Variants in CCDC171 observed in about 807,000 individuals in gnomAD.
CCDC171 encodes the protein coiled-coil domain containing 171.
In CCDC171, 177 loss-of-function variants were observed where a neutral mutation model predicts 168.2. The ratio of observed to expected loss-of-function variants is 1.05; its 90% CI spans 0.93 to 1.19. The LOEUF (loss-of-function observed/expected upper bound fraction) is 1.19. Among genes scored for constraint, CCDC171 ranks in the 50% most tolerant of loss-of-function variants. The probability of loss-of-function intolerance (pLI) is 0.00; values close to 1 mark genes in which losing one functional copy is unlikely to be tolerated. For synonymous variants in CCDC171, 687 were observed against 540.8 expected (o/e 1.27, Z -3.75); for missense variants, 1,991 against 1,539.0 (o/e 1.29, Z -4.91).
chr9:16,066,308 T>C (rs1175075518), downstream of CCDC171, among the ~76,000 whole-genome samples: 5 of 152,184 alleles, frequency 3.3e-5, no homozygotes, highest in African/African-American at 1.2e-4. Context: ...TGGGAGATGC[T>C]CTTTCAAAAG....
At chr9:15,998,109 G>A (rs575002909) in intron 3 of CCDC171, among the ~76,000 whole-genome samples, 1 of 152,148 alleles carries the variant, frequency 6.6e-6, no homozygotes, top group Non-Finnish European at 1.5e-5. Flanking sequence ...GTGGGAATGG[G>A]ATACACCAAG....
intron 4 of CCDC171, among the ~76,000 whole-genome samples, chr9:15,584,223 G>T (rs1226641357): frequency 6.6e-6 from 1 of 152,180 alleles, no homozygotes; most frequent in African/African-American, 2.4e-5. Flanking sequence ...GCTGTCTGGG[G>T]TTATTGATAT....
At chr9:15,648,582 C>G (rs2047235906) in intron 7 of CCDC171, among the ~76,000 whole-genome samples, 1 of 152,166 alleles carries the variant, frequency 6.6e-6, no homozygotes, top group African/African-American at 2.4e-5. Flanking sequence ...GCAAAAATCA[C>G]AAGCATTCTT....
chr9:15,859,253 C>T (rs1224219870), intron 23 of CCDC171, among the ~76,000 whole-genome samples: 1 of 151,962 alleles, frequency 6.6e-6, no homozygotes, highest in Non-Finnish European at 1.5e-5. Flanking sequence ...TGTAATGGCG[C>T]CTAATCCTTT....
At chr9:15,723,203 C>T (rs965504201) in intron 12 of CCDC171, among the ~76,000 whole-genome samples, 20 of 152,278 alleles carry the variant, frequency 1.3e-4, no homozygotes, top group Admixed American at 1.2e-3. Context: ...CACAAGCCTT[C>T]CCAGTAGGAC....
At chr9:15,613,514 CTTT>C (rs766679864) in intron 6 of CCDC171, among the ~76,000 whole-genome samples, 6 of 149,764 alleles carry the variant, frequency 4.0e-5, no homozygotes, top group Non-Finnish European at 6.0e-5. Flanking sequence ...TTGCATTTTT[CTTT>C]TTTTCTTTTC....
In CCDC171 at chr9:15,820,180, C is replaced by T. The variant is rs2059711185; in HGVS notation, c.3268-26522C>T. 1.7e-5 allele frequency among the ~76,000 whole-genome samples: 2 copies of T among 117,422 alleles called. 1 individual carries two copies. The allele number at this position is 117,422 out of a possible 152,430, so 77.0% of individuals were successfully genotyped here. A position where few individuals can be genotyped will look rare whatever the true frequency, so the allele number is the denominator to read the frequency against. ...ACAACATACCAGAATCTCTGGGACA[C>T]ATTCAAAGCAGTGTGTAGAGGGAAA... On this transcript the variant is annotated intron_variant, in intron 21 of 25. Coordinates refer to ENST00000380701, the MANE Select transcript of CCDC171 (RefSeq NM_173550.4).
At chr9:16,091,508 C>T in the CCDC171 span, among the ~76,000 whole-genome samples, 1 of 152,180 alleles carries the variant, frequency 6.6e-6, no homozygotes, top group African/African-American at 2.4e-5. Flanking sequence ...ACCAAATGCT[C>T]TGGGACAACT....
chr9:15,757,255 A>G (rs902230167), intron 18 of CCDC171, among the ~76,000 whole-genome samples: 1 of 152,340 alleles, frequency 6.6e-6, no homozygotes, highest in South Asian at 2.1e-4. Flanking sequence ...TGATAGATAT[A>G]TGGACAATAA....
At chr9:15,640,062 A>G (rs2046482848) in intron 7 of CCDC171, among the ~76,000 whole-genome samples, 1 of 152,198 alleles carries the variant, frequency 6.6e-6, no homozygotes, top group Non-Finnish European at 1.5e-5. Context: ...TCTGCTTTTT[A>G]GTTGACCTAT....
chr9:15,852,190 T>A (rs2061158216), intron 23 of CCDC171, among the ~76,000 whole-genome samples: 1 of 151,758 alleles, frequency 6.6e-6, no homozygotes, highest in Admixed American at 6.6e-5. Context: ...CCATTTTAAA[T>A]CTCCACCATT....
At chr9:15,728,890 G>C (rs1011702572) in intron 15 of CCDC171, among the ~76,000 whole-genome samples, 14 of 152,028 alleles carry the variant, frequency 9.2e-5, no homozygotes, top group Non-Finnish European at 1.3e-4. Flanking sequence ...ACAGCATATT[G>C]ACCTAATTTC....
intron 10 of CCDC171, among the ~76,000 whole-genome samples, chr9:15,686,439 C>T (rs759896421): frequency 5.3e-5 from 8 of 151,632 alleles, no homozygotes; most frequent in African/African-American, 7.3e-5. Context: ...GGCGTGAACC[C>T]GGGAGGCAGA....
chr9:15,993,654 G>C (rs1832276293), intron 3 of CCDC171, among the ~76,000 whole-genome samples: 1 of 152,168 alleles, frequency 6.6e-6, no homozygotes, highest in Admixed American at 6.5e-5. Context: ...AGCGTGAACA[G>C]GCAACCTACA....
chr9:15,705,750 C>A (rs1588066308), intron 11 of CCDC171, among the ~76,000 whole-genome samples: 1 of 152,132 alleles, frequency 6.6e-6, no homozygotes, highest in Non-Finnish European at 1.5e-5. Flanking sequence ...TATTATATTT[C>A]AGTTCCATGA....
At chr9:15,954,526 C>A (rs1829572829) in intron 25 of CCDC171, among the ~76,000 whole-genome samples, 1 of 151,882 alleles carries the variant, frequency 6.6e-6, no homozygotes, top group Non-Finnish European at 1.5e-5. Flanking sequence ...ACATTCTTTT[C>A]ATTCTAGATC....
intron 7 of CCDC171, among the ~76,000 whole-genome samples, chr9:15,631,475 G>A (rs532354584): frequency 9.2e-5 from 14 of 152,170 alleles, no homozygotes; most frequent in Non-Finnish European, 2.1e-4. Context: ...AAACCAGGAA[G>A]AAGTTGACCT....
At chr9:15,685,161 C>T (rs2050299680) in intron 10 of CCDC171, among the ~76,000 whole-genome samples, 4 of 152,178 alleles carry the variant, frequency 2.6e-5, no homozygotes, top group Admixed American at 6.6e-5. Context: ...CTTTATGTCA[C>T]ATGACAAAAT....
At chr9:15,902,575 AAC>A (rs1248758004) in intron 24 of CCDC171, among the ~76,000 whole-genome samples, 3 of 141,028 alleles carry the variant, frequency 2.1e-5, no homozygotes, top group Non-Finnish European at 4.7e-5. Flanking sequence ...GCTGAATAGG[AAC>A]AGCTCCAGTC....
Sources: gnomAD v4.1 joint callset for allele counts (sites outside exome capture counted in the v4.1 genomes callset) on GRCh38, gnomAD v4.1.1 for gene constraint, MANE v1.5 for transcripts, NCBI Gene and HGNC (gene_info 2026-07-23, HGNC 2026-07-21) for gene names.